The following PKP4 variants were observed in gnomAD, a reference collection of about 807,000 sequenced individuals.
PKP4 encodes plakophilin-4.
PKP4 carries 90 observed loss-of-function variants against 145.1 expected under a neutral mutation model. That is an observed-to-expected ratio of 0.62 (90% CI 0.52 to 0.74). The LOEUF (loss-of-function observed/expected upper bound fraction) is 0.74. PKP4 is among the 30% of genes least tolerant of loss of function. PKP4 has a pLI of 0.00. For missense variants in PKP4, 1,340 were observed against 1,482.7 expected (o/e 0.90, Z 1.58); for synonymous variants, 563 against 577.2 (o/e 0.98, Z 0.35).
In PKP4 at chr2:158,576,937, T is replaced by C. The variant is rs561175224; in HGVS notation, c.133-334T>C. Among the ~76,000 whole-genome samples the C allele has an allele frequency of 3.3e-5, 5 of 152,292 alleles. No individual in the cohort carries two copies. In the South Asian group the frequency reaches 8.3e-4, roughly 25 times the overall value. ...TTGTTTGCTGTGTCTCTGATGTAGA[T>C]ACATTAAGTAAGGTCTCTGGAAGCC... On this transcript the variant is annotated intron_variant, in intron 2 of 21. Coordinates refer to ENST00000389759, the MANE Select transcript of PKP4 (RefSeq NM_003628.6).
Position 158,676,844 on chromosome 2 carries a change from C to T in PKP4, c.3233C>T (p.Ala1078Val). ...CAGTATTACAATAGCCAAGGGGATG[C>T]CACACATAAAGGCCTGTACCCTGGT... ...PMQYYNSQGD[A>V]THKGLYPGSS... The change falls in exon 20 of 22, where the codon GCC becomes GTC. Residue 1078 changes from alanine (A) to valine (V), a missense_variant. Physicochemically the swap from Ala to Val is moderately conservative, Grantham distance 64 (BLOSUM62 0). Transcript: ENST00000389759. 6.2e-7 allele frequency: 1 copy of T among 1,614,034 alleles called. No individual in the cohort carries two copies. Among genetic ancestry groups the T allele is most frequent in the East Asian group, 2.2e-5 (1 of 44,852 alleles).
intron 2 of PKP4, among the ~76,000 whole-genome samples, chr2:158,536,554 C>G (rs181983869): frequency 6.6e-6 from 1 of 152,066 alleles, no homozygotes; most frequent in Admixed American, 6.6e-5. Context: ...GTTAACAAAC[C>G]GTTAGTCTAT....
At chr2:158,518,347 A>G (rs765075228) in intron 1 of PKP4, among the ~76,000 whole-genome samples, 2 of 152,224 alleles carry the variant, frequency 1.3e-5, no homozygotes, top group Non-Finnish European at 2.9e-5. Context: ...ATGTTGCACA[A>G]GATCACATCT....
At chr2:158,608,808 C>CTTTTTTTTTTTTTTTTT (rs66933766) in intron 4 of PKP4, among the ~76,000 whole-genome samples, 2 of 86,184 alleles carry the variant, frequency 2.3e-5, no homozygotes, top group East Asian at 3.4e-4. Flanking sequence ...TCTTTTCTTT[C>CTTTTTTTTTTTTTTTTT]TTTTTTTTTT....
chr2:158,476,005 T>G (rs540585118), intron 1 of PKP4, among the ~76,000 whole-genome samples: 7 of 152,292 alleles, frequency 4.6e-5, no homozygotes, highest in Admixed American at 3.3e-4. Flanking sequence ...ATAGTTCTTG[T>G]CTCTCCCTTC....
At chr2:158,498,371 A>C (rs892940032) in intron 1 of PKP4, among the ~76,000 whole-genome samples, 1 of 152,218 alleles carries the variant, frequency 6.6e-6, no homozygotes, top group Non-Finnish European at 1.5e-5. Context: ...ACCTATCCAG[A>C]TAAAAAGCAT....
intron 1 of PKP4, among the ~76,000 whole-genome samples, chr2:158,510,613 T>C (rs1431352823): frequency 6.6e-6 from 1 of 152,202 alleles, no homozygotes; most frequent in African/African-American, 2.4e-5. Flanking sequence ...GATTTGGTGA[T>C]TCAAGTGGTA....
chr2:158,557,462 G>A (rs997182996), intron 2 of PKP4, among the ~76,000 whole-genome samples: 1 of 152,220 alleles, frequency 6.6e-6, no homozygotes, highest in African/African-American at 2.4e-5. Flanking sequence ...CAAGGTTTCT[G>A]GGACTAAAGT....
intron 1 of PKP4, among the ~76,000 whole-genome samples, chr2:158,490,958 T>C (rs1366371376): frequency 2.0e-5 from 3 of 152,222 alleles, no homozygotes; most frequent in African/African-American, 7.2e-5. Flanking sequence ...CTAATGTGTT[T>C]AGTGTTTTTG....
At chr2:158,492,913 T>C (rs1211382528) in intron 1 of PKP4, among the ~76,000 whole-genome samples, 1 of 152,222 alleles carries the variant, frequency 6.6e-6, no homozygotes, top group African/African-American at 2.4e-5. Context: ...ATAGGCATAG[T>C]CTTTATACAT....
chr2:158,626,473 T>TA (rs1208280112), intron 7 of PKP4, among the ~76,000 whole-genome samples: 2 of 152,204 alleles, frequency 1.3e-5, no homozygotes, highest in Non-Finnish European at 2.9e-5. Flanking sequence ...ATGTAGTACA[T>TA]ACATTGTTCT....
chr2:158,502,163 A>AT (rs1696681437), intron 1 of PKP4, among the ~76,000 whole-genome samples: 1 of 151,928 alleles, frequency 6.6e-6, no homozygotes, highest in Non-Finnish European at 1.5e-5. Flanking sequence ...TCATGAAATG[A>AT]TTTTTTTTCA....
chr2:158,507,589 G>GAC (rs1190119797), intron 1 of PKP4, among the ~76,000 whole-genome samples: 2 of 152,160 alleles, frequency 1.3e-5, no homozygotes, highest in African/African-American at 4.8e-5. Flanking sequence ...TACAGGTCTT[G>GAC]ACAGAGGCTT....
intron 4 of PKP4, among the ~76,000 whole-genome samples, chr2:158,610,661 C>G (rs2051061379): frequency 6.6e-6 from 1 of 152,120 alleles, no homozygotes; most frequent in African/African-American, 2.4e-5. Flanking sequence ...CTTAGGTCCC[C>G]CAGTCACATT....
intron 1 of PKP4, among the ~76,000 whole-genome samples, chr2:158,475,977 C>G: frequency 6.6e-6 from 1 of 152,168 alleles, no homozygotes; most frequent in East Asian, 1.9e-4. Context: ...GCAATTATAG[C>G]TTTCATCAGA....
intron 15 of PKP4, among the ~76,000 whole-genome samples, chr2:158,665,221 A>G (rs966026269): frequency 2.0e-5 from 3 of 152,298 alleles, no homozygotes; most frequent in African/African-American, 4.8e-5. Context: ...TAGGTCTCCA[A>G]GTGAGACAGA....
At chr2:158,639,137 A>T (rs756459378) in intron 9 of PKP4, among the ~76,000 whole-genome samples, 29 of 152,236 alleles carry the variant, frequency 1.9e-4, no homozygotes, top group African/African-American at 4.1e-4. Context: ...GAGATAATGA[A>T]GGTAAAGTTC....
Position 158,577,357 on chromosome 2 carries a change from A to G in PKP4, c.219A>G (p.Ala73=). ...AGCTAGAAAGATGTAGGCTTGGAGC[A>G]GAATCACCAAGCATCGCCAGCACCA... The part of the protein sequence containing the change: ...ASQLERCRLG[A]ESPSIASTSS... The change falls in exon 3 of 22, where the codon GCA becomes GCG. Residue 73 remains alanine, a synonymous_variant. Coordinates refer to ENST00000389759, the MANE Select transcript of PKP4 (RefSeq NM_003628.6). The G allele has an allele frequency of 1.2e-6, 2 of 1,612,702 alleles. No individual in the cohort carries two copies. The highest frequency in any genetic ancestry group is 1.7e-6 in the Non-Finnish European group (2 of 1,179,108).
intron 4 of PKP4, among the ~76,000 whole-genome samples, chr2:158,611,192 G>A (rs59510849): frequency 0.074 from 11,297 of 152,122 alleles, 1,038 homozygotes; most frequent in African/African-American, 0.21. Context: ...GAAGAAAAAA[G>A]ACCATAGTAA....
Sources: allele counts gnomAD v4.1 joint callset (sites outside exome capture counted in the v4.1 genomes callset), GRCh38; gene constraint gnomAD v4.1.1; transcripts MANE v1.5; gene names NCBI Gene and HGNC (gene_info 2026-07-23, HGNC 2026-07-21).